Variants in ZHX2 observed in about 807,000 individuals in gnomAD.
The protein encoded by ZHX2 is zinc fingers and homeoboxes 2.
ZHX2 carries 6 observed loss-of-function variants against 21.9 expected under a neutral mutation model. The ratio of observed to expected loss-of-function variants is 0.27; its 90% CI spans 0.15 to 0.54. ZHX2 has a LOEUF of 0.54. Among genes scored for constraint, ZHX2 ranks in the 20% least tolerant of loss-of-function variants. The probability of loss-of-function intolerance (pLI) is 0.95; values close to 1 mark genes in which losing one functional copy is unlikely to be tolerated. For missense variants in ZHX2, 908 were observed against 1,090.7 expected, an observed-to-expected ratio of 0.83 and a Z score of 2.36; for synonymous variants, 434 against 437.1, an observed-to-expected ratio of 0.99 and a Z score of 0.09.
chr8:122,811,790 A>G (rs1817936067), intron 1 of ZHX2: 1 of 152,230 alleles, frequency 6.6e-6, no homozygotes, highest in Non-Finnish European at 1.5e-5. Context: ...GTGAGAGGTA[A>G]GAATCCCCCT....
intron 2 of ZHX2, among the ~76,000 whole-genome samples, chr8:122,922,943 CAA>C (rs1820773106): frequency 6.6e-6 from 1 of 152,144 alleles, no homozygotes; most frequent in South Asian, 2.1e-4. Flanking sequence ...CTGGGGACTG[CAA>C]AGGGGGCAGT....
intron 2 of ZHX2, among the ~76,000 whole-genome samples, chr8:122,880,345 G>A (rs1386482222): frequency 6.6e-6 from 1 of 152,096 alleles, no homozygotes; most frequent in East Asian, 1.9e-4. Flanking sequence ...CCACCATGGT[G>A]GGGCTGGGAC....
At chr8:122,837,803 G>A (rs1818537499) in intron 1 of ZHX2, among the ~76,000 whole-genome samples, 1 of 152,184 alleles carries the variant, frequency 6.6e-6, no homozygotes, top group Non-Finnish European at 1.5e-5. Context: ...GTCTTTGTCG[G>A]TGCTTAATGG....
intron 2 of ZHX2, among the ~76,000 whole-genome samples, chr8:122,880,576 A>G (rs539061784): frequency 3.3e-5 from 5 of 152,072 alleles, no homozygotes; most frequent in Admixed American, 2.0e-4. Context: ...GGAGTTCGAG[A>G]CCAGCCTGGG....
In ZHX2 at chr8:122,954,702, G is replaced by C. The variant is rs548868877; in HGVS notation, c.*4+674G>C. On this transcript the variant is annotated intron_variant, in intron 3 of 3. Transcript: ENST00000314393. ...TTTGTAAGGCTGTGCCCAGGGGGCAGCACCGCTGGCTGTGGCCTGTTTGGG... is the reference window on the plus strand; with the variant it reads ...TTTGTAAGGCTGTGCCCAGGGGGCACCACCGCTGGCTGTGGCCTGTTTGGG... 1.1e-4 allele frequency among the ~76,000 whole-genome samples: 17 copies of C among 152,326 alleles called. No individual in the cohort carries two copies. The East Asian group carries it at 2.7e-3, about 24-fold the overall frequency.
chr8:122,923,601 AC>A (rs1820786240), intron 2 of ZHX2, among the ~76,000 whole-genome samples: 1 of 152,096 alleles, frequency 6.6e-6, no homozygotes, highest in Admixed American at 6.5e-5. Flanking sequence ...ATTTGCAACC[AC>A]CTTTAATCTG....
intron 1 of ZHX2, among the ~76,000 whole-genome samples, chr8:122,836,252 G>A (rs890602650): frequency 6.6e-6 from 1 of 152,040 alleles, no homozygotes; most frequent in Admixed American, 6.5e-5. Flanking sequence ...GAAATCAAGA[G>A]AGGCCATGTG....
At chr8:122,827,854 G>A (rs541884514) in intron 1 of ZHX2, among the ~76,000 whole-genome samples, 1 of 152,364 alleles carries the variant, frequency 6.6e-6, no homozygotes, top group African/African-American at 2.4e-5. Context: ...GCTCATGGCT[G>A]TAAGCCCAAC....
intron 2 of ZHX2, among the ~76,000 whole-genome samples, chr8:122,948,571 T>C (rs879729513): frequency 1.3e-5 from 2 of 152,134 alleles, no homozygotes; most frequent in Non-Finnish European, 2.9e-5. Context: ...CTACTAGATA[T>C]AAAAATGTAC....
rs138713144 is a variant in ZHX2, at chr8:122,937,720, C to T, written c.-219-13572C>T. Among the ~76,000 whole-genome samples the T allele has an allele frequency of 2.7e-3, 406 of 151,300 alleles. 2 individuals carry two copies. The highest frequency in any genetic ancestry group is 0.014 in the Middle Eastern group (4 of 292). On this transcript the variant is annotated intron_variant, in intron 2 of 3. Transcript: ENST00000314393. ...TCAGCCTCCTGAGTAGCTGGGATTA[C>T]GGTGCCCACTACCACACCTGGCTAA...
intron 1 of ZHX2, among the ~76,000 whole-genome samples, chr8:122,852,813 A>G (rs961906868): frequency 2.0e-5 from 3 of 152,010 alleles, no homozygotes; most frequent in African/African-American, 7.2e-5. Flanking sequence ...GCATCTTGCC[A>G]TGCTATCATT....
intron 1 of ZHX2, among the ~76,000 whole-genome samples, chr8:122,799,989 C>G (rs1380432609): frequency 6.6e-6 from 1 of 152,094 alleles, no homozygotes; most frequent in African/African-American, 2.4e-5. Context: ...TCCCGAGTAG[C>G]TGGGATTACA....
At chr8:122,956,451 G>T (rs1813305732) in intron 3 of ZHX2, among the ~76,000 whole-genome samples, 1 of 152,196 alleles carries the variant, frequency 6.6e-6, no homozygotes, top group South Asian at 2.1e-4. Flanking sequence ...CTCAGAGGAG[G>T]AACACCTAGG....
At chr8:122,891,270 TTGTGTGTGTG>T (rs59893492) in intron 2 of ZHX2, among the ~76,000 whole-genome samples, 2,365 of 77,720 alleles carry the variant, frequency 0.03, 53 homozygotes, top group African/African-American at 0.088. Context: ...TCTTGGTAGA[TTGTGTGTGTG>T]TGTGTGTGTG....
At chr8:122,933,637 T>G (rs530709523) in intron 2 of ZHX2, among the ~76,000 whole-genome samples, 20 of 152,330 alleles carry the variant, frequency 1.3e-4, no homozygotes, top group Middle Eastern at 6.8e-3. Flanking sequence ...CTTCAAAATA[T>G]GTCTTAATCT....
chr8:122,923,845 A>C (rs1362468831), intron 2 of ZHX2, among the ~76,000 whole-genome samples: 6 of 152,208 alleles, frequency 3.9e-5, no homozygotes, highest in African/African-American at 1.4e-4. Flanking sequence ...CTCCATGGGT[A>C]TGCTCTCTGA....
intron 2 of ZHX2, among the ~76,000 whole-genome samples, chr8:122,929,155 G>A (rs994970627): frequency 2.3e-4 from 35 of 151,982 alleles, no homozygotes; most frequent in Admixed American, 1.6e-3. Flanking sequence ...TTGTTATAAC[G>A]TTTTTCTAAC....
In ZHX2 at chr8:122,973,540, A is replaced by G. The variant is rs1415668431; in HGVS notation, c.*303A>G. ...TGCTATACTGGAACCGATTTGTACAATGTGGGAATTTTGTTACCTTTTTAA... is the reference window on the plus strand; with the variant it reads ...TGCTATACTGGAACCGATTTGTACAGTGTGGGAATTTTGTTACCTTTTTAA... On this transcript the variant is annotated 3_prime_UTR_variant, in exon 4 of 4. Transcript: ENST00000314393. 1 of 152,640 alleles carries G rather than the reference A, an allele frequency of 6.6e-6. No individual in the cohort carries two copies. The allele number at this position is 152,640 out of a possible 1,614,324, so 9.5% of individuals were successfully genotyped here. A position where few individuals can be genotyped will look rare whatever the true frequency, so the allele number is the denominator to read the frequency against.
intron 2 of ZHX2, among the ~76,000 whole-genome samples, chr8:122,927,359 G>A (rs993648422): frequency 4.6e-5 from 7 of 152,152 alleles, no homozygotes; most frequent in African/African-American, 1.7e-4. Context: ...GCCAGGCATG[G>A]TGGCATATGC....
Sources: allele counts gnomAD v4.1 joint callset (sites outside exome capture counted in the v4.1 genomes callset), GRCh38; gene constraint gnomAD v4.1.1; transcripts MANE v1.5; gene names NCBI Gene and HGNC (gene_info 2026-07-23, HGNC 2026-07-21).